Variants in B4GALT6 observed in about 807,000 individuals in gnomAD.
B4GALT6 encodes beta-1,4-galactosyltransferase 6.
In B4GALT6, 14 loss-of-function variants were observed where a neutral mutation model predicts 46.3. The observed-to-expected ratio is 0.30, with a 90% CI of 0.20 to 0.47. The LOEUF (loss-of-function observed/expected upper bound fraction) is 0.47. Among genes scored for constraint, B4GALT6 ranks in the 20% least tolerant of loss-of-function variants. The pLI is 0.99. For missense variants in B4GALT6, 386 were observed against 480.1 expected, an observed-to-expected ratio of 0.80 and a Z score of 1.83; for synonymous variants, 168 against 162.0, an observed-to-expected ratio of 1.04 and a Z score of -0.28.
chr18:31,655,898 G>A (rs1001708150), intron 3 of B4GALT6, among the ~76,000 whole-genome samples: 2 of 151,710 alleles, frequency 1.3e-5, no homozygotes, highest in Admixed American at 1.3e-4. Context: ...AATCACCTGA[G>A]AATTTTTTTT....
chr18:31,651,044 G>C (rs2074059930), intron 3 of B4GALT6, among the ~76,000 whole-genome samples: 1 of 152,102 alleles, frequency 6.6e-6, no homozygotes, highest in African/African-American at 2.4e-5. Flanking sequence ...GGGATTACAG[G>C]CGTGAGCCAC....
the B4GALT6 span, among the ~76,000 whole-genome samples, chr18:31,696,023 T>G: frequency 5.3e-5 from 8 of 152,334 alleles, no homozygotes; most frequent in South Asian, 1.5e-3. Context: ...ATCGATTTTT[T>G]TAAAACTTCA....
chr18:31,639,477 T>C (rs907429251), intron 4 of B4GALT6, among the ~76,000 whole-genome samples: 2 of 152,202 alleles, frequency 1.3e-5, no homozygotes, highest in African/African-American at 4.8e-5. Context: ...CAATCATACA[T>C]GATATTGCCC....
intron 4 of B4GALT6, 127 bp from the exon 5 acceptor site, chr18:31,638,887 A>T (rs2073896055): frequency 1.4e-6 from 1 of 732,208 alleles, no homozygotes. Flanking sequence ...TTCTCATCAG[A>T]GATACAACAG....
intron 4 of B4GALT6, among the ~76,000 whole-genome samples, chr18:31,643,100 G>T (rs1013056726): frequency 6.6e-6 from 1 of 152,148 alleles, no homozygotes; most frequent in African/African-American, 2.4e-5. Context: ...TAAGCAGGCA[G>T]GGACGGGTAG....
At chr18:31,702,253 T>C in the B4GALT6 span, among the ~76,000 whole-genome samples, 1 of 152,258 alleles carries the variant, frequency 6.6e-6, no homozygotes, top group Non-Finnish European at 1.5e-5. Flanking sequence ...ACAAATACTC[T>C]TTGGTGTAGC....
the B4GALT6 span, among the ~76,000 whole-genome samples, chr18:31,717,216 A>G: frequency 2.0e-5 from 3 of 152,256 alleles, no homozygotes; most frequent in Non-Finnish European, 4.4e-5. Flanking sequence ...TATGATATTT[A>G]TATACAAAAG....
chr18:31,682,302 C>T (rs1426887582), intron 1 of B4GALT6, among the ~76,000 whole-genome samples: 3 of 152,036 alleles, frequency 2.0e-5, no homozygotes, highest in South Asian at 2.1e-4. Flanking sequence ...AAAAAGGAGG[C>T]TTTTTTTGGC....
rs1182446008 is a variant in B4GALT6 at position 31,624,796 on chromosome 18, T to C, written c.*818A>G. On this transcript the variant is annotated 3_prime_UTR_variant, in exon 9 of 9. Transcript: ENST00000306851. ...AAATCCCTGACACACCAGAGGTACATGGAAAGACATTTAACATAAAGAGAT... is the reference window on the plus strand; with the variant it reads ...AAATCCCTGACACACCAGAGGTACACGGAAAGACATTTAACATAAAGAGAT... 1 of 152,586 alleles carries C rather than the reference T, an allele frequency of 6.6e-6. No individual in the cohort carries two copies. The highest frequency in any genetic ancestry group is 1.5e-5 in the Non-Finnish European group (1 of 68,004). 9.5% of individuals were successfully genotyped at this position (152,586 alleles called of 1,614,324 possible).
Position 31,625,282 on chromosome 18 carries a change from A to G in B4GALT6, c.*332T>C. ...TTAATTTATATCACATATATACAAAATATGTTTAAACGGAAATAAAAGCAT... is the reference window on the plus strand; with the variant it reads ...TTAATTTATATCACATATATACAAAGTATGTTTAAACGGAAATAAAAGCAT... On this transcript the variant is annotated 3_prime_UTR_variant, in exon 9 of 9. Coordinates refer to ENST00000306851, the MANE Select transcript of B4GALT6 (RefSeq NM_004775.5). The G allele has an allele frequency of 4.4e-6, 1 of 227,630 alleles. No individual in the cohort carries two copies. 14.1% of individuals were successfully genotyped at this position (227,630 alleles called of 1,614,324 possible). A position where few individuals can be genotyped will look rare whatever the true frequency, so the allele number is the denominator to read the frequency against.
chr18:31,697,586 G>T, the B4GALT6 span, among the ~76,000 whole-genome samples: 3 of 152,132 alleles, frequency 2.0e-5, 1 homozygote, highest in Admixed American at 2.0e-4. Flanking sequence ...AGTTTAGGGG[G>T]AACTATTATC....
At chr18:31,654,353 T>C (rs961120712) in intron 3 of B4GALT6, among the ~76,000 whole-genome samples, 3 of 152,242 alleles carry the variant, frequency 2.0e-5, no homozygotes, top group Non-Finnish European at 4.4e-5. Context: ...ACTTCTATTT[T>C]ACTTTGTTAG....
chr18:31,650,799 C>G (rs192745062), intron 3 of B4GALT6, among the ~76,000 whole-genome samples: 12 of 152,114 alleles, frequency 7.9e-5, no homozygotes, highest in Non-Finnish European at 1.0e-4. Flanking sequence ...GACGGAGTCT[C>G]GCTCTGTCAC....
chr18:31,680,236 C>A (rs1043883140), intron 1 of B4GALT6, among the ~76,000 whole-genome samples: 1 of 152,150 alleles, frequency 6.6e-6, no homozygotes, highest in African/African-American at 2.4e-5. Context: ...AAGAACACAG[C>A]CAGGCCCACT....
At chr18:31,637,684 C>A (rs549389693) in intron 5 of B4GALT6, among the ~76,000 whole-genome samples, 3 of 152,064 alleles carry the variant, frequency 2.0e-5, no homozygotes, top group African/African-American at 7.2e-5. Context: ...AATCCTCAAT[C>A]GAGAATTAAC....
Position 31,625,460 on chromosome 18 carries a change from C to A in B4GALT6, c.*154G>T. On this transcript the variant is annotated 3_prime_UTR_variant, in exon 9 of 9. Transcript: ENST00000306851. ...GGGAGGACGGGTGAGAGAAGGGTGA[C>A]TGTATATAGTCCCACTCTGTAAACA... 1.4e-6 allele frequency: 1 copy of A among 731,016 alleles called. No homozygotes were observed. The highest frequency in any genetic ancestry group is 2.1e-5 in the South Asian group (1 of 48,666). 45.3% of individuals were successfully genotyped at this position (731,016 alleles called of 1,614,324 possible).
intron 3 of B4GALT6, among the ~76,000 whole-genome samples, chr18:31,652,268 C>A (rs890205025): frequency 6.6e-6 from 1 of 152,146 alleles, no homozygotes; most frequent in Non-Finnish European, 1.5e-5. Flanking sequence ...TGCTTCTCTC[C>A]CAATCATTTT....
intron 3 of B4GALT6, among the ~76,000 whole-genome samples, chr18:31,649,634 G>T (rs190050156): frequency 8.5e-5 from 12 of 141,582 alleles, no homozygotes; most frequent in African/African-American, 2.3e-4. Context: ...AAACATTCAA[G>T]TAGCCAACAA....
chr18:31,634,124 G>T (rs1598872017), intron 5 of B4GALT6, among the ~76,000 whole-genome samples: 1 of 152,140 alleles, frequency 6.6e-6, no homozygotes, highest in African/African-American at 2.4e-5. Flanking sequence ...ATTCACACCT[G>T]GCTGTTGGCT....
Sources: allele counts gnomAD v4.1 joint callset (sites outside exome capture counted in the v4.1 genomes callset), GRCh38; gene constraint gnomAD v4.1.1; transcripts MANE v1.5; gene names NCBI Gene and HGNC (gene_info 2026-07-23, HGNC 2026-07-21).